The following PRKACB variants were observed in gnomAD, a reference collection of about 807,000 sequenced individuals.
PRKACB encodes the protein protein kinase cAMP-activated catalytic subunit beta.
A neutral mutation model predicts 51.4 loss-of-function variants in PRKACB; 16 were observed. That is an observed-to-expected ratio of 0.31 (90% CI 0.21 to 0.47). The LOEUF (loss-of-function observed/expected upper bound fraction) is 0.47, where lower values mean the gene tolerates loss of function less well. Ranked by LOEUF, PRKACB falls within the 20% of genes least tolerant of loss-of-function variation. The pLI, the probability that PRKACB is intolerant of heterozygous loss-of-function variation, is 1.00. For synonymous variants in PRKACB, 147 were observed against 154.4 expected (o/e 0.95, Z 0.35); for missense variants, 309 against 464.5 (o/e 0.67, Z 3.08).
chr1:84,132,691 T>A (rs1448557327), intron 1 of PRKACB, among the ~76,000 whole-genome samples: 1 of 151,678 alleles, frequency 6.6e-6, no homozygotes, highest in African/African-American at 2.4e-5. Flanking sequence ...TAAGAAAAGA[T>A]CAAAAGGAAA....
intron 7 of PRKACB, among the ~76,000 whole-genome samples, chr1:84,200,672 G>T (rs534623789): frequency 2.0e-3 from 301 of 152,212 alleles, no homozygotes; most frequent in Non-Finnish European, 3.4e-3. Flanking sequence ...ATGGTATAAG[G>T]AAGGGATCTA....
chr1:84,139,128 T>C (rs1173484114), intron 1 of PRKACB, among the ~76,000 whole-genome samples: 1 of 152,190 alleles, frequency 6.6e-6, no homozygotes, highest in East Asian at 1.9e-4. Flanking sequence ...AGACTTGGAA[T>C]AAGGCAAGAA....
chr1:84,206,885 G>A (rs1272652193), intron 8 of PRKACB, among the ~76,000 whole-genome samples: 2 of 152,086 alleles, frequency 1.3e-5, no homozygotes, highest in African/African-American at 4.8e-5. Flanking sequence ...GCAGTCTCAG[G>A]CCTACTATGT....
At chr1:84,210,751 T>C (rs1672008179) in intron 8 of PRKACB, among the ~76,000 whole-genome samples, 1 of 152,220 alleles carries the variant, frequency 6.6e-6, no homozygotes. Flanking sequence ...TCCAGGTTGA[T>C]GTATTACAAA....
intron 5 of PRKACB, 21 bp from the exon 6 acceptor site, chr1:84,196,595 A>G: frequency 6.3e-7 from 1 of 1,599,798 alleles, no homozygotes; most frequent in Admixed American, 1.8e-5. Flanking sequence ...ACAGAAAATC[A>G]ATGGTTTTAT....
At chr1:84,095,907 A>T (rs1557920709) in intron 1 of PRKACB, among the ~76,000 whole-genome samples, 1 of 151,890 alleles carries the variant, frequency 6.6e-6, no homozygotes, top group Non-Finnish European at 1.5e-5. Flanking sequence ...ATTAAAGTTC[A>T]TGTCTGAATT....
intron 1 of PRKACB, chr1:84,078,386 G>A: frequency 6.2e-7 from 1 of 1,610,422 alleles, no homozygotes; most frequent in South Asian, 1.1e-5. Flanking sequence ...GTTGAAGGCC[G>A]GGTCTGGGTA....
chr1:84,122,015 C>G (rs1181194344), intron 1 of PRKACB, among the ~76,000 whole-genome samples: 1 of 151,974 alleles, frequency 6.6e-6, no homozygotes, highest in Non-Finnish European at 1.5e-5. Flanking sequence ...CAAAACAGTC[C>G]CTAACTCTTA....
chr1:84,150,844 C>T (rs970343492), intron 1 of PRKACB, among the ~76,000 whole-genome samples: 6 of 152,116 alleles, frequency 3.9e-5, no homozygotes, highest in Admixed American at 3.9e-4. Flanking sequence ...CAGTCCATAA[C>T]AAAAATCTGA....
chr1:84,174,669 T>C (rs1369538731), intron 1 of PRKACB, among the ~76,000 whole-genome samples: 1 of 151,882 alleles, frequency 6.6e-6, no homozygotes, highest in Non-Finnish European at 1.5e-5. Context: ...TTTCCTACAG[T>C]AGATTTTGAC....
chr1:84,213,894 A>G (rs1437834914), intron 8 of PRKACB, among the ~76,000 whole-genome samples: 1 of 152,146 alleles, frequency 6.6e-6, no homozygotes, highest in African/African-American at 2.4e-5. Context: ...ATTTTTCTGG[A>G]GACTGCTCCA....
Position 84,078,506 on chromosome 1 carries a change from C to T in PRKACB, c.46+135C>T, listed in dbSNP as rs1032342102. 10 of 984,290 alleles carry T rather than the reference C, an allele frequency of 1.0e-5. No individual in the cohort carries two copies. In the Admixed American group the frequency reaches 2.8e-4, roughly 28 times the overall value. The allele number at this position is 984,290 out of a possible 1,614,324, so 61.0% of individuals were successfully genotyped here. A position where few individuals can be genotyped will look rare whatever the true frequency, so the allele number is the denominator to read the frequency against. On this transcript the variant is annotated intron_variant, in intron 1 of 8. Transcript: ENST00000370688. ...GGCCGCCGGGAGTCGTTCTGGGGGG[C>T]CGGGAGACCAGCTGCCTTTCTCCTC... is the stretch of plus-strand genomic sequence containing the variant.
chr1:84,079,226 A>C (rs1463201571), intron 1 of PRKACB, among the ~76,000 whole-genome samples: 1 of 152,180 alleles, frequency 6.6e-6, no homozygotes, highest in Non-Finnish European at 1.5e-5. Context: ...AATGGTTGTG[A>C]AATAAAAGTT....
chr1:84,205,767 A>G (rs1671242686), intron 8 of PRKACB, among the ~76,000 whole-genome samples: 1 of 152,142 alleles, frequency 6.6e-6, no homozygotes, highest in Non-Finnish European at 1.5e-5. Flanking sequence ...AAAGATGATC[A>G]ATCAACTTGT....
intron 1 of PRKACB, among the ~76,000 whole-genome samples, chr1:84,168,589 T>A (rs925077181): frequency 1.3e-5 from 2 of 151,458 alleles, no homozygotes; most frequent in African/African-American, 2.4e-5. Context: ...AGAAAAAAAA[T>A]TGGGAAAGCA....
intron 9 of PRKACB, among the ~76,000 whole-genome samples, chr1:84,219,544 C>T (rs1673382246): frequency 6.6e-6 from 1 of 151,766 alleles, no homozygotes; most frequent in South Asian, 2.1e-4. Flanking sequence ...TGTTCTAGAG[C>T]ATTTCCCGTA....
At chr1:84,224,524 T>C (rs1558328451) in intron 9 of PRKACB, among the ~76,000 whole-genome samples, 1 of 152,152 alleles carries the variant, frequency 6.6e-6, no homozygotes, top group African/African-American at 2.4e-5. Flanking sequence ...GCAGTGGTAG[T>C]GGTGGCAGAC....
At chr1:84,150,717 C>T (rs1323010140) in intron 1 of PRKACB, among the ~76,000 whole-genome samples, 3 of 152,140 alleles carry the variant, frequency 2.0e-5, no homozygotes, top group Admixed American at 1.3e-4. Context: ...AGGCCCTCAT[C>T]AGAAGCAGAT....
rs1029747699 is a variant in PRKACB, at chr1:84,204,894, G to A, written c.906+2089G>A. 46 of 981,708 alleles carry A rather than the reference G, an allele frequency of 4.7e-5. No individual in the cohort carries two copies. The South Asian group carries it at 5.2e-4, about 11-fold the overall frequency. 60.8% of individuals were successfully genotyped at this position (981,708 alleles called of 1,614,324 possible). A position where few individuals can be genotyped will look rare whatever the true frequency, so the allele number is the denominator to read the frequency against. On this transcript the variant is annotated intron_variant, in intron 8 of 9. Transcript: ENST00000370685. ...CTCGATTTGCCAATCATTCTCTATT[G>A]GTTAAATTTTATATTCAGCTGTTTA... is the stretch of plus-strand genomic sequence containing the variant.
Sources: allele counts gnomAD v4.1 joint callset (sites outside exome capture counted in the v4.1 genomes callset), GRCh38; gene constraint gnomAD v4.1.1; transcripts MANE v1.5; gene names NCBI Gene and HGNC (gene_info 2026-07-23, HGNC 2026-07-21).